Variants in GPR153 observed in about 807,000 individuals in gnomAD.
GPR153 encodes the protein G protein-coupled receptor 153, also known as probable G protein-coupled receptor 153.
Under a neutral mutation model 34.1 loss-of-function variants are expected in GPR153, and 27 were observed. The ratio of observed to expected loss-of-function variants is 0.79; its 90% CI spans 0.58 to 1.09. The LOEUF (loss-of-function observed/expected upper bound fraction) is 1.09, where lower values mean the gene tolerates loss of function less well. Ranked by LOEUF, GPR153 falls within the 50% of genes least tolerant of loss-of-function variation. GPR153 has a pLI of 0.00. For missense variants in GPR153, 848 were observed against 860.2 expected (o/e 0.99, Z 0.18); for synonymous variants, 408 against 405.4 (o/e 1.01, Z -0.08).
chr1:6,259,423 G>T (rs1219440604), intron 1 of GPR153, among the ~76,000 whole-genome samples: 1 of 152,100 alleles, frequency 6.6e-6, no homozygotes, highest in Non-Finnish European at 1.5e-5. Context: ...ACTTGCCTGA[G>T]CCAGGATCCA....
rs895403870 is a variant in GPR153 at position 6,249,405 on chromosome 1, A to G, written c.1763T>C (p.Leu588Pro). ...AGGGGSTSSF[L>P]SSPSESSGYA... ...GCCCGAGGACTCGGAGGGGGAACTC[A>G]GGAAGCTGCTGGTGCTGCCGCCGCC... The change falls in exon 6 of 6, where the codon CTG (leucine) becomes CCG (proline). Residue 588 changes from leucine to proline, a missense_variant. Coordinates refer to ENST00000377893, the MANE Select transcript of GPR153 (RefSeq NM_207370.4). The surrounding 1 kb of genome is among the most constrained non-coding windows in gnomAD (Gnocchi z 4.3). The G allele has an allele frequency of 6.5e-6, 9 of 1,378,534 alleles. No homozygotes were observed. Among genetic ancestry groups the G allele is most frequent in the Non-Finnish European group, 7.5e-6 (8 of 1,070,816 alleles). The allele number at this position is 1,378,534 out of a possible 1,614,324, so 85.4% of individuals were successfully genotyped here.
At position 6,247,609 on chromosome 1, in the gene GPR153, G is replaced by A. The variant is rs768306421; in HGVS notation, c.*1729C>T. On this transcript the variant is annotated 3_prime_UTR_variant, in exon 6 of 6. Coordinates refer to ENST00000377893, the MANE Select transcript of GPR153 (RefSeq NM_207370.4). ...TTTAGAGGACTCTGTCCCCCTGCAAGTATTGCCGTTGGATATGAAACACAC... is the reference window on the plus strand; with the variant it reads ...TTTAGAGGACTCTGTCCCCCTGCAAATATTGCCGTTGGATATGAAACACAC... The A allele has an allele frequency of 6.6e-6, 1 of 152,254 alleles. No individual in the cohort carries two copies. The highest frequency in any genetic ancestry group is 1.5e-5 in the Non-Finnish European group (1 of 68,058). 9.4% of individuals were successfully genotyped at this position (152,254 alleles called of 1,614,324 possible). A position where few individuals can be genotyped will look rare whatever the true frequency, so the allele number is the denominator to read the frequency against.
chr1:6,250,448 A>T lies in GPR153; in HGVS notation c.1156T>A (p.Tyr386Asn), dbSNP rs1183505535. Residue 386 changes from tyrosine (Y) to asparagine (N), a missense_variant, in exon 5 of 6, where the codon TAC becomes AAC. Tyr to Asn is a moderately radical substitution (Grantham distance 143). Coordinates refer to ENST00000377893, the MANE Select transcript of GPR153 (RefSeq NM_207370.4). Reference protein sequence around the residue: ...LRPLQEDKMQYLQVPPTRRFS... With the variant: ...LRPLQEDKMQNLQVPPTRRFS... ...CCCAGCCCTGCGCTCACCTGCAGGT[A>T]TTGCATCTTGTCCTCCTGCAAGGGC... 2 of 1,596,242 alleles carry T rather than the reference A, an allele frequency of 1.3e-6. No homozygotes were observed. Among genetic ancestry groups the T allele is most frequent in the South Asian group, 2.3e-5 (2 of 88,166 alleles).
chr1:6,256,950 G>A (rs1305238387), intron 1 of GPR153, among the ~76,000 whole-genome samples: 3 of 152,172 alleles, frequency 2.0e-5, no homozygotes, highest in Admixed American at 2.0e-4. Context: ...CACGCCCCGG[G>A]AGGACCCTCC....
In GPR153 at chr1:6,254,511, G is replaced by A. The variant is rs778610459; in HGVS notation, c.356+39C>T. 3.3e-6 allele frequency: 5 copies of A among 1,498,814 alleles called. No individual in the cohort carries two copies. The East Asian group carries it at 1.1e-4, about 34-fold the overall frequency. 92.8% of individuals were successfully genotyped at this position (1,498,814 alleles called of 1,614,324 possible). On this transcript the variant is annotated intron_variant, in intron 2 of 5. Transcript: ENST00000377893. ...CAGATATGTCTTTGTTTTCACGCCT[G>A]CTTAGAACCCCAAGAACCCCAGAAC...
rs960433685 is a variant in GPR153 at position 6,249,659 on chromosome 1, G to A, written c.1509C>T (p.Phe503=). The change falls in exon 6 of 6, where the codon TTC becomes TTT. Residue 503 remains phenylalanine, a synonymous_variant. Coordinates refer to ENST00000377893, the MANE Select transcript of GPR153 (RefSeq NM_207370.4). This position sits in a 1 kb window ranked among gnomAD's most constrained non-coding sequence, Gnocchi z 4.3. ...SASASLLPDA[F]ALTAFECEPQ... ...GCTCGCACTCGAAGGCGGTCAGGGCGAAGGCGTCGGGCAGCAGCGAGGCCG... is the reference window on the plus strand; with the variant it reads ...GCTCGCACTCGAAGGCGGTCAGGGCAAAGGCGTCGGGCAGCAGCGAGGCCG... 1.0e-5 allele frequency: 11 copies of A among 1,080,492 alleles called. No homozygotes were observed. Among genetic ancestry groups the A allele is most frequent in the Non-Finnish European group, 1.2e-5 (11 of 892,856 alleles). The allele number at this position is 1,080,492 out of a possible 1,614,324, so 66.9% of individuals were successfully genotyped here. A position where few individuals can be genotyped will look rare whatever the true frequency, so the allele number is the denominator to read the frequency against.
In GPR153 at chr1:6,253,971, A is replaced by G. The variant is rs1254047690; in HGVS notation, c.533T>C (p.Leu178Pro). ...IGLGFGVCFLLLVGGSVAMGV... is the reference protein window; with the variant it reads ...IGLGFGVCFLPLVGGSVAMGV... ...CATGGCCACGCTGCCGCCCACCAGC[A>G]GCAGGAAGCAGACGCCAAAGCCCAG... Residue 178 changes from leucine (L) to proline (P), a missense_variant, in exon 3 of 6, where the codon CTG (leucine) becomes CCG (proline). Transcript: ENST00000377893. 6.2e-7 allele frequency: 1 copy of G among 1,613,008 alleles called. No individual in the cohort carries two copies. Among genetic ancestry groups the G allele is most frequent in the South Asian group, 1.1e-5 (1 of 91,076 alleles).
At chr1:6,253,587 G>A (rs997125529) in intron 3 of GPR153, 131 bp downstream of exon 3, 1 of 874,282 alleles carries the variant, frequency 1.1e-6, no homozygotes, top group African/African-American at 1.7e-5. Flanking sequence ...TTCCAAATCT[G>A]GAAAATGGGG....
Position 6,253,920 on chromosome 1 carries a change from A to G in GPR153, c.584T>C (p.Leu195Pro). 2 of 1,610,766 alleles carry G rather than the reference A, an allele frequency of 1.2e-6. No homozygotes were observed. Among genetic ancestry groups the G allele is most frequent in the Non-Finnish European group, 8.5e-7 (1 of 1,178,960 alleles). The change falls in exon 3 of 6, where the codon CTC (leucine) becomes CCC (proline). Residue 195 changes from leucine to proline, a missense_variant. Transcript: ENST00000377893. ...AMGVICTAIA[L>P]FQTLAVQVGR... ...CACCTGCACGGCCAGCGTCTGGAAGAGGGCGATGGCTGTGCAGATCACGCC... is the reference window on the plus strand; with the variant it reads ...CACCTGCACGGCCAGCGTCTGGAAGGGGGCGATGGCTGTGCAGATCACGCC...
rs568041084 is a variant in GPR153 at position 6,252,083 on chromosome 1, C to G, written c.787-553G>C. Among the ~76,000 whole-genome samples, 9 of 152,332 alleles carry G rather than the reference C, an allele frequency of 5.9e-5. No homozygotes were observed. In the South Asian group the frequency reaches 1.0e-3, roughly 18 times the overall value. On this transcript the variant is annotated intron_variant, in intron 3 of 5. Coordinates refer to ENST00000377893, the MANE Select transcript of GPR153 (RefSeq NM_207370.4). ...CAGCCCTACCCCTGCTTTTGGGTCCCTGCATTCCTCCTCTCCCAGGATAGC... is the reference window on the plus strand; with the variant it reads ...CAGCCCTACCCCTGCTTTTGGGTCCGTGCATTCCTCCTCTCCCAGGATAGC...
At chr1:6,255,919 T>C (rs1373053759) in intron 1 of GPR153, among the ~76,000 whole-genome samples, 1 of 152,118 alleles carries the variant, frequency 6.6e-6, no homozygotes, top group African/African-American at 2.4e-5. Flanking sequence ...CCCAAAGTGC[T>C]GGGATTATAG....
At chr1:6,255,567 T>G (rs1638549068) in intron 1 of GPR153, among the ~76,000 whole-genome samples, 2 of 146,388 alleles carry the variant, frequency 1.4e-5, no homozygotes, top group South Asian at 4.6e-4. Flanking sequence ...ATGGAACTCC[T>G]GGGCTCAAGG....
At chr1:6,260,622 G>A (rs1329639354) in intron 1 of GPR153, among the ~76,000 whole-genome samples, 1 of 151,922 alleles carries the variant, frequency 6.6e-6, no homozygotes, top group African/African-American at 2.4e-5. Flanking sequence ...CCCCGATGCA[G>A]GGGGACGGAG....
At chr1:6,260,135 G>T (rs1377886402) in intron 1 of GPR153, among the ~76,000 whole-genome samples, 1 of 152,136 alleles carries the variant, frequency 6.6e-6, no homozygotes, top group Non-Finnish European at 1.5e-5. Context: ...CAATGAGGCC[G>T]CGCGGCCCCG....
rs1478310704 is a variant in GPR153 at position 6,250,487 on chromosome 1, G to T, written c.1117C>A (p.Leu373Ile). Residue 373 changes from leucine (L) to isoleucine (I), a missense_variant, in exon 5 of 6, where the codon CTC (leucine) becomes ATC (isoleucine). Leu to Ile is a conservative substitution (Grantham distance 5, BLOSUM62 2). Coordinates refer to ENST00000377893, the MANE Select transcript of GPR153 (RefSeq NM_207370.4). Reference sequence around the variant, plus strand: ...TCCTGCAAGGGCCGCAGTGGGTAGAGCTGGGGCAGGCCCCCCTCCAGGGCG... The same window carrying T: ...TCCTGCAAGGGCCGCAGTGGGTAGATCTGGGGCAGGCCCCCCTCCAGGGCG... Reference protein sequence around the residue: ...ISALEGGLPQLYPLRPLQEDK... With the variant: ...ISALEGGLPQIYPLRPLQEDK... The T allele has an allele frequency of 6.2e-7, 1 of 1,610,080 alleles. No individual in the cohort carries two copies. The highest frequency in any genetic ancestry group is 1.3e-5 in the African/African-American group (1 of 74,900).
At chr1:6,252,318 C>T (rs1225176624) in intron 3 of GPR153, among the ~76,000 whole-genome samples, 2 of 152,210 alleles carry the variant, frequency 1.3e-5, no homozygotes, top group Non-Finnish European at 2.9e-5. Context: ...CGCTTTATAA[C>T]AGCAGCATGG....
chr1:6,258,323 T>C (rs1337200115), intron 1 of GPR153, among the ~76,000 whole-genome samples: 1 of 152,132 alleles, frequency 6.6e-6, no homozygotes, highest in Non-Finnish European at 1.5e-5. Flanking sequence ...GAGACGAGGT[T>C]TCATCATGTT....
chr1:6,249,241 G>GCT lies in GPR153; in HGVS notation c.*96_*97insAG. The stretch of plus-strand genomic sequence containing the variant: ...CCCCCTCACCCCTGGGAGGGGTGGC[G>GCT]CATGTCTGCGCGCGGGGCGGAGGCG... On this transcript the variant is annotated 3_prime_UTR_variant, in exon 6 of 6. Coordinates refer to ENST00000377893, the MANE Select transcript of GPR153 (RefSeq NM_207370.4). This position sits in a 1 kb window ranked among gnomAD's most constrained non-coding sequence, Gnocchi z 4.3. 1 of 909,586 alleles carries GCT rather than the reference G, an allele frequency of 1.1e-6. No homozygotes were observed. The highest frequency in any genetic ancestry group is 1.4e-6 in the Non-Finnish European group (1 of 693,784). The allele number at this position is 909,586 out of a possible 1,614,324, so 56.3% of individuals were successfully genotyped here.
Position 6,249,597 on chromosome 1 carries a change from G to A in GPR153, c.1571C>T (p.Ala524Val). Residue 524 changes from alanine to valine, a missense_variant, in exon 6 of 6, where the codon GCT becomes GTT. Transcript: ENST00000377893. This position sits in a 1 kb window ranked among gnomAD's most constrained non-coding sequence, Gnocchi z 4.3. ...ALRRPPGPFP[A>V]APAAPDGADP... ...TGCGCCGTCGGGGGCGGCGGGCGCA[G>A]CGGGGAAGGGCCCGGGCGGGCGGCG... 1 of 1,153,272 alleles carries A rather than the reference G, an allele frequency of 8.7e-7. No individual in the cohort carries two copies. The highest frequency in any genetic ancestry group is 4.2e-5 in the South Asian group (1 of 23,660). The allele number at this position is 1,153,272 out of a possible 1,614,324, so 71.4% of individuals were successfully genotyped here. A position where few individuals can be genotyped will look rare whatever the true frequency, so the allele number is the denominator to read the frequency against.
Sources: allele counts gnomAD v4.1 joint callset (sites outside exome capture counted in the v4.1 genomes callset), GRCh38; gene constraint gnomAD v4.1.1; non-coding constraint Gnocchi (gnomAD v3.1); transcripts MANE v1.5; gene names NCBI Gene and HGNC (gene_info 2026-07-23, HGNC 2026-07-21).